Variants in COL5A2 observed in about 807,000 individuals in gnomAD.
COL5A2 encodes the protein collagen type V alpha 2 chain.
A neutral mutation model predicts 208.2 loss-of-function variants in COL5A2; 23 were observed. The ratio of observed to expected loss-of-function variants is 0.11; its 90% CI spans 0.08 to 0.16. The LOEUF (loss-of-function observed/expected upper bound fraction) is 0.16. Among genes scored for constraint, COL5A2 ranks in the 10% least tolerant of loss-of-function variants. The probability of loss-of-function intolerance (pLI) is 1.00; values close to 1 mark genes in which losing one functional copy is unlikely to be tolerated. For synonymous variants in COL5A2, 625 were observed against 628.5 expected (o/e 0.99, Z 0.08); for missense variants, 1,590 against 1,956.4 (o/e 0.81, Z 3.53).
At chr2:189,371,695 T>G in the COL5A2 span, among the ~76,000 whole-genome samples, 2 of 152,336 alleles carry the variant, frequency 1.3e-5, no homozygotes, top group African/African-American at 4.8e-5. Flanking sequence ...GCATTCAGTG[T>G]GTGGCCTAGC....
the COL5A2 span, among the ~76,000 whole-genome samples, chr2:189,404,725 G>A: frequency 3.3e-5 from 5 of 152,106 alleles, no homozygotes; most frequent in Non-Finnish European, 5.9e-5. Context: ...ATATTCACAG[G>A]TTCTATCCCT....
the COL5A2 span, among the ~76,000 whole-genome samples, chr2:189,234,772 T>C: frequency 6.6e-6 from 1 of 151,774 alleles, no homozygotes; most frequent in Non-Finnish European, 1.5e-5. Flanking sequence ...TGTTCTTATC[T>C]GTAAAATGAG....
At chr2:189,152,072 G>A (rs1441160955) in intron 1 of COL5A2, among the ~76,000 whole-genome samples, 5 of 152,282 alleles carry the variant, frequency 3.3e-5, no homozygotes, top group South Asian at 2.1e-4. Flanking sequence ...AATCTCAGAG[G>A]AGAACTAGGA....
chr2:189,109,276 T>A (rs1000129391), intron 2 of COL5A2, among the ~76,000 whole-genome samples: 1 of 152,108 alleles, frequency 6.6e-6, no homozygotes, highest in Non-Finnish European at 1.5e-5. Flanking sequence ...GTAGCTCTTA[T>A]ATGTCTTGGT....
Position 189,034,079 on chromosome 2 carries a change from AC to A in COL5A2, c.4490del (p.Cys1497PhefsTer26), listed in dbSNP as rs754381494. On this transcript the variant is annotated frameshift_variant, in exon 54 of 54. Coordinates refer to ENST00000374866, the MANE Select transcript of COL5A2 (RefSeq NM_000393.5). LOFTEE classifies it high-confidence loss of function. ...TGTGTCTTGGCTTACTTTACACAAA[AC>A]AAACTGGCCCAATTTCAACGCCGAA... Reference protein sequence around the residue: ...QEFGVEIGPVCFV With the variant: ...QEFGVEIGPVXFV The A allele has an allele frequency of 6.2e-7, 1 of 1,613,944 alleles. No individual in the cohort carries two copies.
chr2:189,227,474 A>G (rs185581954), upstream of COL5A2, among the ~76,000 whole-genome samples: 470 of 152,248 alleles, frequency 3.1e-3, 2 homozygotes, highest in African/African-American at 0.01. Flanking sequence ...TGTGCCATCT[A>G]TAAGAGACTC....
the COL5A2 span, among the ~76,000 whole-genome samples, chr2:189,403,624 T>C: frequency 6.6e-6 from 1 of 152,192 alleles, no homozygotes; most frequent in Non-Finnish European, 1.5e-5. Flanking sequence ...ATTTTTAACA[T>C]TAAGGGATGT....
chr2:189,077,208 C>A (rs1686425707), intron 16 of COL5A2, among the ~76,000 whole-genome samples: 1 of 152,120 alleles, frequency 6.6e-6, no homozygotes, highest in Non-Finnish European at 1.5e-5. Flanking sequence ...ATTTGGAAGA[C>A]AACTTAAGCC....
rs760261821 is a variant in COL5A2, at chr2:189,049,413, A to T, written c.3081T>A (p.Asp1027Glu). The change falls in exon 44 of 54, where the codon GAT (aspartate) becomes GAA (glutamate). Residue 1027 changes from aspartate (D) to glutamate (E), a missense_variant. Transcript: ENST00000374866. ...GKVGPTGATG[D>E]KGPPGPVGPP... The stretch of plus-strand genomic sequence containing the variant: ...GCCCCACAGGTCCAGGTGGACCTTT[A>T]TCTCCTGTTGCACCAGTTGGTCCTA... The T allele has an allele frequency of 6.2e-7, 1 of 1,613,668 alleles. No individual in the cohort carries two copies. Among genetic ancestry groups the T allele is most frequent in the South Asian group, 1.1e-5 (1 of 90,870 alleles).
intron 1 of COL5A2, among the ~76,000 whole-genome samples, chr2:189,117,860 G>A (rs1237559762): frequency 6.6e-6 from 1 of 151,654 alleles, no homozygotes; most frequent in Non-Finnish European, 1.5e-5. Context: ...AATTTATTTT[G>A]CTTCCTTTGT....
At chr2:189,240,678 T>C in the COL5A2 span, among the ~76,000 whole-genome samples, 1 of 152,218 alleles carries the variant, frequency 6.6e-6, no homozygotes, top group African/African-American at 2.4e-5. Context: ...GCCTGATCCA[T>C]GTTTTTCACC....
At chr2:189,431,461 G>A in the COL5A2 span, among the ~76,000 whole-genome samples, 1 of 152,118 alleles carries the variant, frequency 6.6e-6, no homozygotes, top group Non-Finnish European at 1.5e-5. Flanking sequence ...AAGGTTAGTT[G>A]AATGGCTAAC....
chr2:189,107,913 C>T (rs532723647), intron 2 of COL5A2, among the ~76,000 whole-genome samples: 7 of 151,530 alleles, frequency 4.6e-5, no homozygotes, highest in South Asian at 4.2e-4. Context: ...TCTTACATGC[C>T]GCTCAGGTTT....
chr2:189,370,492 G>T, the COL5A2 span, among the ~76,000 whole-genome samples: 18 of 151,944 alleles, frequency 1.2e-4, no homozygotes, highest in African/African-American at 4.4e-4. Flanking sequence ...ATTTCAACAA[G>T]TCATTTTCAG....
the COL5A2 span, among the ~76,000 whole-genome samples, chr2:189,419,106 T>G: frequency 6.6e-6 from 1 of 152,190 alleles, no homozygotes; most frequent in East Asian, 1.9e-4. Context: ...AGAAGCATCT[T>G]CATGCTCTTT....
At chr2:189,106,838 T>G (rs1207157344) in intron 2 of COL5A2, among the ~76,000 whole-genome samples, 1 of 151,454 alleles carries the variant, frequency 6.6e-6, no homozygotes, top group East Asian at 1.9e-4. Context: ...ATGAAAGAAT[T>G]CATATACTTT....
At chr2:189,333,343 T>C in the COL5A2 span, among the ~76,000 whole-genome samples, 1 of 152,164 alleles carries the variant, frequency 6.6e-6, no homozygotes, top group Non-Finnish European at 1.5e-5. Flanking sequence ...ATAGAGTAAG[T>C]ATAAATTACT....
At chr2:189,407,027 ATTAAC>A in the COL5A2 span, among the ~76,000 whole-genome samples, 1 of 152,130 alleles carries the variant, frequency 6.6e-6, no homozygotes, top group Non-Finnish European at 1.5e-5. Flanking sequence ...TTTAACATGT[ATTAAC>A]TTATACTGTC....
chr2:189,316,556 C>G, the COL5A2 span, among the ~76,000 whole-genome samples: 2 of 151,812 alleles, frequency 1.3e-5, no homozygotes, highest in South Asian at 4.2e-4. Context: ...CACATAGACA[C>G]ACAGAGAGAA....
Sources: allele counts gnomAD v4.1 joint callset (sites outside exome capture counted in the v4.1 genomes callset), GRCh38; gene constraint gnomAD v4.1.1; transcripts MANE v1.5; gene names NCBI Gene and HGNC (gene_info 2026-07-23, HGNC 2026-07-21).